The following ZNF140 variants were observed in gnomAD, a reference collection of about 807,000 sequenced individuals.
ZNF140 encodes zinc finger protein 140.
ZNF140 carries 13 observed loss-of-function variants against 12.9 expected under a neutral mutation model. That is an observed-to-expected ratio of 1.01 (90% CI 0.66 to 1.60). The LOEUF (loss-of-function observed/expected upper bound fraction) is 1.60. Among genes scored for constraint, ZNF140 ranks in the 40% most tolerant of loss-of-function variants. The pLI is 0.00. For synonymous variants in ZNF140, 214 were observed against 186.7 expected, an observed-to-expected ratio of 1.15 and a Z score of -1.19; for missense variants, 531 against 548.8, an observed-to-expected ratio of 0.97 and a Z score of 0.32.
intron 4 of ZNF140, among the ~76,000 whole-genome samples, chr12:133,086,469 C>T (rs1006203969): frequency 2.2e-5 from 3 of 136,718 alleles, no homozygotes; most frequent in Non-Finnish European, 4.9e-5. Context: ...TCCCCATCTG[C>T]GAAGTGAATC....
In ZNF140 at chr12:133,081,297, T is replaced by C; in HGVS notation, c.-24T>C. 1 of 1,537,010 alleles carries C rather than the reference T, an allele frequency of 6.5e-7. No homozygotes were observed. The highest frequency in any genetic ancestry group is 8.8e-7 in the Non-Finnish European group (1 of 1,131,710). On this transcript the variant is annotated 5_prime_UTR_variant, in exon 2 of 5. Coordinates refer to ENST00000355557, the MANE Select transcript of ZNF140 (RefSeq NM_003440.4). Reference sequence around the variant, plus strand: ...GGTCTGCCATTTTACACTTTTCTGATCTCCTCCTTCCCTTCTGTGAGCTAT... The same window carrying C: ...GGTCTGCCATTTTACACTTTTCTGACCTCCTCCTTCCCTTCTGTGAGCTAT...
At chr12:133,103,564 C>T (rs1955444387) in intron 4 of ZNF140, among the ~76,000 whole-genome samples, 1 of 151,964 alleles carries the variant, frequency 6.6e-6, no homozygotes, top group African/African-American at 2.4e-5. Context: ...TGAGCCACCA[C>T]ACCCGGCCCC....
At chr12:133,099,785 CCT>C (rs1955269308) in intron 4 of ZNF140, among the ~76,000 whole-genome samples, 1 of 152,168 alleles carries the variant, frequency 6.6e-6, no homozygotes, top group Non-Finnish European at 1.5e-5. Flanking sequence ...TCATTTTCCA[CCT>C]CTCTGAAGAA....
At position 133,106,435 on chromosome 12, in the gene ZNF140, G is replaced by C; in HGVS notation, c.1158G>C (p.Ala386=). The change falls in exon 5 of 5, where the codon GCG becomes GCC. Residue 386 remains alanine (A), a synonymous_variant. Coordinates refer to ENST00000355557, the MANE Select transcript of ZNF140 (RefSeq NM_003440.4). ...TKSHTGEKPY[A]CAECDKAFSR... ...GTCACACTGGAGAGAAACCCTATGCGTGTGCTGAATGTGATAAAGCCTTCA... is the reference window on the plus strand; with the variant it reads ...GTCACACTGGAGAGAAACCCTATGCCTGTGCTGAATGTGATAAAGCCTTCA... 1 of 1,613,946 alleles carries C rather than the reference G, an allele frequency of 6.2e-7. No individual in the cohort carries two copies. Among genetic ancestry groups the C allele is most frequent in the South Asian group, 1.1e-5 (1 of 91,080 alleles).
chr12:133,084,307 C>T, intron 4 of ZNF140: 1 of 311,634 alleles, frequency 3.2e-6, no homozygotes, highest in South Asian at 2.7e-5. Context: ...ATTCATTACT[C>T]TTTGATTAAT....
In ZNF140 at chr12:133,095,775, C is replaced by T. The variant is rs200900660; in HGVS notation, c.233-9735C>T. ...TCATAATTAGGTTTAAGGGAAGGTA[C>T]TATGCCTGGATGTGCACGTAATCCA... On this transcript the variant is annotated intron_variant, in intron 4 of 4. Transcript: ENST00000355557. Among the ~76,000 whole-genome samples the T allele has an allele frequency of 9.4e-3, 1,326 of 140,530 alleles. 1 individual carries two copies. The highest frequency in any genetic ancestry group is 0.037 in the East Asian group (185 of 4,966). 92.2% of individuals were successfully genotyped at this position (140,530 alleles called of 152,430 possible).
Position 133,083,222 on chromosome 12 carries a change from C to A in ZNF140, c.129C>A (p.Val43=). 1.2e-6 allele frequency: 2 copies of A among 1,612,546 alleles called. No homozygotes were observed. The highest frequency in any genetic ancestry group is 2.2e-5 in the South Asian group (2 of 90,986). The part of the protein sequence containing the change: ...CVMLENYGHL[V]SLGLSISKPD... ...TGTTGGAGAACTATGGCCATCTGGTCTCACTGGGTAAGTATTCTTCTTCAT... is the reference window on the plus strand; with the variant it reads ...TGTTGGAGAACTATGGCCATCTGGTATCACTGGGTAAGTATTCTTCTTCAT... The change falls in exon 3 of 5, where the codon GTC becomes GTA. Residue 43 remains valine (V), a synonymous_variant. Coordinates refer to ENST00000355557, the MANE Select transcript of ZNF140 (RefSeq NM_003440.4).
At chr12:133,084,604 G>T (rs1428179145) in intron 4 of ZNF140, among the ~76,000 whole-genome samples, 1 of 152,240 alleles carries the variant, frequency 6.6e-6, no homozygotes, top group Non-Finnish European at 1.5e-5. Context: ...AAAAGGGTCA[G>T]TTTTGGAGAA....
intron 4 of ZNF140, among the ~76,000 whole-genome samples, chr12:133,103,038 GAC>G (rs1411901144): frequency 2.0e-5 from 3 of 151,660 alleles, no homozygotes; most frequent in African/African-American, 7.3e-5. Context: ...CTTTTTAATT[GAC>G]ACAATGACTG....
At chr12:133,100,353 G>T (rs1370240584) in intron 4 of ZNF140, among the ~76,000 whole-genome samples, 1 of 151,812 alleles carries the variant, frequency 6.6e-6, no homozygotes, top group Non-Finnish European at 1.5e-5. Context: ...AATTTTTTTA[G>T]AGATGGGTGC....
In ZNF140 at chr12:133,083,577, G is replaced by C; in HGVS notation, c.232+16G>C. 1.3e-6 allele frequency: 2 copies of C among 1,599,892 alleles called. No homozygotes were observed. The highest frequency in any genetic ancestry group is 2.7e-5 in the African/African-American group (2 of 74,042). On this transcript the variant is annotated intron_variant, in intron 4 of 4. Coordinates refer to ENST00000355557, the MANE Select transcript of ZNF140 (RefSeq NM_003440.4). ...CTGTTTTCAGGTGAGTGAGTTGGAAGCTGATGGGGAAATTTTTTAAAACCA... is the reference window on the plus strand; with the variant it reads ...CTGTTTTCAGGTGAGTGAGTTGGAACCTGATGGGGAAATTTTTTAAAACCA...
At chr12:133,086,261 T>C (rs1473149718) in intron 4 of ZNF140, among the ~76,000 whole-genome samples, 1 of 152,200 alleles carries the variant, frequency 6.6e-6, no homozygotes, top group Non-Finnish European at 1.5e-5. Context: ...CTTTATGTTA[T>C]TAGATAATGC....
chr12:133,098,132 C>T (rs1455926092), intron 4 of ZNF140, among the ~76,000 whole-genome samples: 1 of 152,030 alleles, frequency 6.6e-6, no homozygotes, highest in African/African-American at 2.4e-5. Flanking sequence ...ACGCACCCAG[C>T]CCCCTTTTGT....
intron 4 of ZNF140, among the ~76,000 whole-genome samples, chr12:133,102,996 C>G (rs1455108242): frequency 1.3e-5 from 2 of 152,098 alleles, no homozygotes; most frequent in Non-Finnish European, 2.9e-5. Flanking sequence ...GGCAAATACA[C>G]TAAATCTGTG....
At chr12:133,095,008 C>T (rs1955018220) in intron 4 of ZNF140, among the ~76,000 whole-genome samples, 1 of 151,266 alleles carries the variant, frequency 6.6e-6, no homozygotes, top group African/African-American at 2.4e-5. Flanking sequence ...ATCTATTACA[C>T]AGCTTTCAGG....
At chr12:133,091,175 C>T (rs1439349936) in intron 4 of ZNF140, among the ~76,000 whole-genome samples, 1 of 150,262 alleles carries the variant, frequency 6.7e-6, no homozygotes, top group African/African-American at 2.5e-5. Flanking sequence ...TTCAGACTCT[C>T]ACATTGGGAG....
chr12:133,081,348 A>ATATATATAT lies in ZNF140; in HGVS notation c.9+19_9+20insTATATATAT, dbSNP rs1954474525. ...GTCTCAGGTAAGCTAATGATTGATA[A>ATATATATAT]ATATATATATATATATATATATAAA... On this transcript the variant is annotated intron_variant, in intron 2 of 4. Coordinates refer to ENST00000355557, the MANE Select transcript of ZNF140 (RefSeq NM_003440.4). The ATATATATAT allele has an allele frequency of 1.0e-4, 32 of 318,820 alleles. No individual in the cohort carries two copies. Among genetic ancestry groups the ATATATATAT allele is most frequent in the African/African-American group, 1.5e-4 (5 of 32,524 alleles). The allele number at this position is 318,820 out of a possible 1,614,324, so 19.7% of individuals were successfully genotyped here.
chr12:133,092,263 A>G (rs1434859530), intron 4 of ZNF140, among the ~76,000 whole-genome samples: 1 of 150,970 alleles, frequency 6.6e-6, no homozygotes, highest in Non-Finnish European at 1.5e-5. Flanking sequence ...CGGATGGAGA[A>G]GCCTCCCACG....
At position 133,106,739 on chromosome 12, in the gene ZNF140, C is replaced by A; in HGVS notation, c.*88C>A. 3 of 1,243,900 alleles carry A rather than the reference C, an allele frequency of 2.4e-6. No homozygotes were observed. The highest frequency in any genetic ancestry group is 2.2e-6 in the Non-Finnish European group (2 of 915,850). 77.1% of individuals were successfully genotyped at this position (1,243,900 alleles called of 1,614,324 possible). On this transcript the variant is annotated 3_prime_UTR_variant, in exon 5 of 5. Coordinates refer to ENST00000355557, the MANE Select transcript of ZNF140 (RefSeq NM_003440.4). Reference sequence around the variant, plus strand: ...ACTTCAGAGAACTCTTGGAAAGAAGCCTTATGTGAAAGTGATGACTGTGAA... The same window carrying A: ...ACTTCAGAGAACTCTTGGAAAGAAGACTTATGTGAAAGTGATGACTGTGAA...
Sources: gnomAD v4.1 joint callset for allele counts (sites outside exome capture counted in the v4.1 genomes callset) on GRCh38, gnomAD v4.1.1 for gene constraint, MANE v1.5 for transcripts, NCBI Gene and HGNC (gene_info 2026-07-23, HGNC 2026-07-21) for gene names.